The following SETDB1 variants were observed in gnomAD, a reference collection of about 807,000 sequenced individuals.
SETDB1 encodes the protein histone-lysine N-methyltransferase SETDB1.
Under a neutral mutation model 137.4 loss-of-function variants are expected in SETDB1, and 31 were observed. That is an observed-to-expected ratio of 0.23 (90% CI 0.17 to 0.30). SETDB1 has a LOEUF of 0.30. Ranked by LOEUF, SETDB1 falls within the 10% of genes least tolerant of loss-of-function variation. The pLI, the probability that SETDB1 is intolerant of heterozygous loss-of-function variation, is 1.00. For missense variants in SETDB1, 1,113 were observed against 1,631.5 expected, an observed-to-expected ratio of 0.68 and a Z score of 5.47; for synonymous variants, 548 against 579.9, an observed-to-expected ratio of 0.95 and a Z score of 0.79.
intron 2 of SETDB1, 80 bp downstream of exon 2, chr1:150,928,054 C>G (rs1256263815): frequency 1.4e-6 from 2 of 1,465,502 alleles, no homozygotes; most frequent in Non-Finnish European, 9.4e-7. Flanking sequence ...GACATTGAAC[C>G]AAGCATTTTA....
At chr1:150,940,784 G>A (rs1175296104) in intron 4 of SETDB1, among the ~76,000 whole-genome samples, 1 of 151,960 alleles carries the variant, frequency 6.6e-6, no homozygotes, top group Non-Finnish European at 1.5e-5. Flanking sequence ...TGGAACACGA[G>A]GTCAGGAGTT....
intron 3 of SETDB1, among the ~76,000 whole-genome samples, chr1:150,934,489 T>TAC: frequency 6.6e-6 from 1 of 152,160 alleles, no homozygotes; most frequent in East Asian, 1.9e-4. Context: ...TATATATATA[T>TAC]ACACAGCCAC....
chr1:150,933,368 C>CTTTTTTTTTTTTTTTTTTTTTT (rs71090112), intron 3 of SETDB1, among the ~76,000 whole-genome samples: 14 of 118,886 alleles, frequency 1.2e-4, no homozygotes, highest in African/African-American at 4.1e-4. Context: ...CCTATTTTGT[C>CTTTTTTTTTTTTTTTTTTTTTT]TTTTTTTTTT....
At chr1:150,947,328 C>CA (rs1558019871) in intron 10 of SETDB1, among the ~76,000 whole-genome samples, 1 of 148,960 alleles carries the variant, frequency 6.7e-6, no homozygotes, top group East Asian at 2.0e-4. Context: ...TTTTCTTTTT[C>CA]TTTTTTTTTT....
At chr1:150,957,051 A>G (rs1489271059) in intron 14 of SETDB1, among the ~76,000 whole-genome samples, 3 of 151,916 alleles carry the variant, frequency 2.0e-5, no homozygotes, top group Non-Finnish European at 2.9e-5. Context: ...CAGGAGGTCA[A>G]GGCTGCAGTG....
intron 3 of SETDB1, among the ~76,000 whole-genome samples, chr1:150,933,928 C>T (rs1169887630): frequency 6.6e-6 from 1 of 151,424 alleles, no homozygotes; most frequent in Admixed American, 6.6e-5. Context: ...GGATTACAGG[C>T]ATGCACCACC....
At position 150,962,648 on chromosome 1, in the gene SETDB1, C is replaced by T. The variant is rs147846533; in HGVS notation, c.3223C>T (p.Arg1075Cys). 3.4e-4 allele frequency: 547 copies of T among 1,613,868 alleles called. No homozygotes were observed. The highest frequency in any genetic ancestry group is 4.2e-4 in the Non-Finnish European group (494 of 1,179,768). Residue 1075 changes from arginine to cysteine, a missense_variant, in exon 18 of 22, where the codon CGC becomes TGC. Transcript: ENST00000692827. ...TTCTCCTGTGAAGCCTGAAGGACTT[C>T]GCCGCCCACCTAGTAAGACTAGTAT... ...NPSPVKPEGL[R>C]RPPSKTSMHQ...
intron 2 of SETDB1, 176 bp downstream of exon 2, chr1:150,928,150 C>T (rs77902713): frequency 0.011 from 7,068 of 657,016 alleles, 59 homozygotes; most frequent in Non-Finnish European, 0.013. Flanking sequence ...CTCCACCTCT[C>T]GGGTTCAAGT....
intron 2 of SETDB1, among the ~76,000 whole-genome samples, chr1:150,929,133 G>A (rs2102629818): frequency 6.6e-6 from 1 of 152,178 alleles, no homozygotes; most frequent in South Asian, 2.1e-4. Context: ...TGGGTCAAAT[G>A]GTATTTCTAG....
At chr1:150,958,729 TTTA>T (rs764880970) in intron 14 of SETDB1, among the ~76,000 whole-genome samples, 4 of 152,130 alleles carry the variant, frequency 2.6e-5, no homozygotes, top group Admixed American at 6.5e-5. Context: ...TTTATTTATT[TTTA>T]TTATTATTAT....
In SETDB1 at chr1:150,949,119, T is replaced by C. The variant is rs1380903555; in HGVS notation, c.1268-3T>C. ...TCAGTGCTCAATTTCCTTTTTCCTA[T>C]AGGTGCTGTGAGGAGCAAAGGCCCT... On this transcript the variant is annotated splice_polypyrimidine_tract_variant and splice_region_variant and intron_variant, in intron 10 of 21. Transcript: ENST00000692827. 1 of 1,611,770 alleles carries C rather than the reference T, an allele frequency of 6.2e-7. No homozygotes were observed. The highest frequency in any genetic ancestry group is 1.1e-5 in the South Asian group (1 of 90,790).
intron 12 of SETDB1, among the ~76,000 whole-genome samples, chr1:150,950,094 C>T (rs1215439972): frequency 1.3e-5 from 2 of 152,014 alleles, no homozygotes; most frequent in Non-Finnish European, 2.9e-5. Flanking sequence ...ATTAGCCAGG[C>T]GTGGTGGCGC....
intron 14 of SETDB1, among the ~76,000 whole-genome samples, chr1:150,957,630 G>A (rs1280038059): frequency 6.6e-6 from 1 of 152,196 alleles, no homozygotes; most frequent in Non-Finnish European, 1.5e-5. Flanking sequence ...GTATAACTGT[G>A]TTATCTTCCT....
Position 150,945,009 on chromosome 1 carries a change from G to A in SETDB1, c.1041G>A (p.Leu347=), listed in dbSNP as rs1670281181. 6.2e-7 allele frequency: 1 copy of A among 1,614,024 alleles called. No homozygotes were observed. Among genetic ancestry groups the A allele is most frequent in the Non-Finnish European group, 8.5e-7 (1 of 1,180,038 alleles). Residue 347 remains leucine (L), a synonymous_variant, in exon 9 of 22, where the codon CTG becomes CTA. Transcript: ENST00000692827. The part of the protein sequence containing the change: ...VTAYPNRPMV[L]LKSGQLIKTE... ...CCTACCCCAACCGCCCCATGGTACT[G>A]CTCAAGAGTGGCCAGCTTATCAAGA...
chr1:150,935,092 A>T (rs940306594), intron 3 of SETDB1, among the ~76,000 whole-genome samples: 1 of 152,228 alleles, frequency 6.6e-6, no homozygotes, highest in Admixed American at 6.5e-5. Flanking sequence ...AAGTACTGGG[A>T]TTACAGGCGT....
intron 9 of SETDB1, 85 bp from the exon 10 acceptor site, chr1:150,946,801 C>T: frequency 6.7e-7 from 1 of 1,496,198 alleles, no homozygotes; most frequent in Non-Finnish European, 9.2e-7. Flanking sequence ...CCAGAGGTGA[C>T]ACATGGTATA....
chr1:150,963,165 G>T (rs775517106), intron 19 of SETDB1, 26 bp downstream of exon 19: 2 of 1,598,158 alleles, frequency 1.3e-6, no homozygotes, highest in South Asian at 1.1e-5. Flanking sequence ...TTTGGGAATG[G>T]TGGGAAGAAA....
chr1:150,945,418 G>A, intron 9 of SETDB1: 1 of 662,952 alleles, frequency 1.5e-6, no homozygotes, highest in Non-Finnish European at 2.3e-6. Flanking sequence ...CCAGGGTTAA[G>A]GTTTTAGTAG....
chr1:150,941,591 GT>G (rs2102687310), intron 5 of SETDB1, among the ~76,000 whole-genome samples, 163 bp downstream of exon 5: 1 of 152,278 alleles, frequency 6.6e-6, no homozygotes, highest in South Asian at 2.1e-4. Flanking sequence ...GTCTGTGATG[GT>G]TTTATCTCAA....
Sources: gnomAD v4.1 joint callset for allele counts (sites outside exome capture counted in the v4.1 genomes callset) on GRCh38, gnomAD v4.1.1 for gene constraint, MANE v1.5 for transcripts, NCBI Gene and HGNC (gene_info 2026-07-23, HGNC 2026-07-21) for gene names.